The following LARGE1 variants were observed in gnomAD, a reference collection of about 807,000 sequenced individuals.
The protein encoded by LARGE1 is LARGE xylosyl- and glucuronyltransferase 1.
LARGE1 carries 43 observed loss-of-function variants against 87.6 expected under a neutral mutation model. The observed-to-expected ratio is 0.49, with a 90% CI of 0.38 to 0.63. The LOEUF is 0.63. Ranked by LOEUF, LARGE1 falls within the 30% of genes least tolerant of loss-of-function variation. The probability of loss-of-function intolerance (pLI) is 0.00; values close to 1 mark genes in which losing one functional copy is unlikely to be tolerated. For synonymous variants in LARGE1, 434 were observed against 394.6 expected, an observed-to-expected ratio of 1.10 and a Z score of -1.18; for missense variants, 802 against 1,000.2, an observed-to-expected ratio of 0.80 and a Z score of 2.67.
At chr22:33,236,341 GA>G (rs1179886683) in intron 11 of LARGE1, among the ~76,000 whole-genome samples, 1 of 152,160 alleles carries the variant, frequency 6.6e-6, no homozygotes, top group African/African-American at 2.4e-5. Flanking sequence ...GCCATCTTTG[GA>G]AAAGACAATC....
chr22:33,790,645 T>G (rs1450821255), intron 1 of LARGE1, among the ~76,000 whole-genome samples: 1 of 152,214 alleles, frequency 6.6e-6, no homozygotes, highest in African/African-American at 2.4e-5. Context: ...GAGATTTCCA[T>G]CTATCTTTTT....
Position 33,654,088 on chromosome 22 carries a change from T to C in LARGE1, c.107-3420A>G, listed in dbSNP as rs377628871. Among the ~76,000 whole-genome samples the C allele has an allele frequency of 2.6e-5, 4 of 152,310 alleles. No individual in the cohort carries two copies. The South Asian group carries it at 6.2e-4, about 24-fold the overall frequency. On this transcript the variant is annotated intron_variant, in intron 2 of 14. Coordinates refer to ENST00000397394, the MANE Select transcript of LARGE1 (RefSeq NM_133642.5). ...TTTCTCCCCTGCTTTAGACCCCAAA[T>C]GGTTTTAACCAAATTTAACTCTCAA...
At chr22:33,114,217 G>T in the LARGE1 span, among the ~76,000 whole-genome samples, 1 of 152,112 alleles carries the variant, frequency 6.6e-6, no homozygotes, top group Non-Finnish European at 1.5e-5. Flanking sequence ...CTGTTGCAAG[G>T]ATTAAATTAG....
At chr22:33,654,081 C>A (rs1475028502) in intron 2 of LARGE1, among the ~76,000 whole-genome samples, 1 of 152,158 alleles carries the variant, frequency 6.6e-6, no homozygotes, top group African/African-American at 2.4e-5. Flanking sequence ...CTGCTTTAGA[C>A]CCCAAATGGT....
intron 7 of LARGE1, among the ~76,000 whole-genome samples, chr22:33,404,868 G>A (rs1426882157): frequency 6.6e-6 from 1 of 152,134 alleles, no homozygotes; most frequent in Non-Finnish European, 1.5e-5. Context: ...AAGGAATTTT[G>A]CTTCTGTTCA....
chr22:33,877,471 T>G (rs1233694286), intron 1 of LARGE1, among the ~76,000 whole-genome samples: 3 of 152,158 alleles, frequency 2.0e-5, no homozygotes, highest in African/African-American at 7.2e-5. Context: ...TTGAATGACT[T>G]TGGGCAAGTT....
rs562952782 is a variant in LARGE1, at chr22:33,683,633, GCAGA to G, written c.107-32969_107-32966del. Among the ~76,000 whole-genome samples, 616 of 152,050 alleles carry G rather than the reference GCAGA, an allele frequency of 4.1e-3. 4 individuals carry two copies. The highest frequency in any genetic ancestry group is 4.4e-3 in the Non-Finnish European group (296 of 67,944). ...AGGAACAGAATGGTTAGGCAGGCAG[GCAGA>G]CAGACAGACAGACAGACAGACGATA... On this transcript the variant is annotated intron_variant, in intron 2 of 14. Transcript: ENST00000397394.
intron 9 of LARGE1, among the ~76,000 whole-genome samples, chr22:33,366,075 T>C (rs2064578797): frequency 6.6e-6 from 1 of 152,230 alleles, no homozygotes; most frequent in African/African-American, 2.4e-5. Flanking sequence ...ATTTAAAAAA[T>C]AAAAGTTTAA....
At chr22:33,459,505 G>T (rs1036942022) in intron 6 of LARGE1, among the ~76,000 whole-genome samples, 1 of 148,862 alleles carries the variant, frequency 6.7e-6, no homozygotes, top group Non-Finnish European at 1.5e-5. Flanking sequence ...TGAAATAATG[G>T]TATCCAACCT....
the LARGE1 span, among the ~76,000 whole-genome samples, chr22:33,153,205 T>C: frequency 6.6e-6 from 1 of 152,180 alleles, no homozygotes; most frequent in African/African-American, 2.4e-5. Context: ...TTATTTAAAT[T>C]TTTTTAGGCA....
chr22:33,280,693 T>C (rs1466377681), intron 13 of LARGE1, among the ~76,000 whole-genome samples: 1 of 152,180 alleles, frequency 6.6e-6, no homozygotes, highest in Non-Finnish European at 1.5e-5. Context: ...AATGACCTAT[T>C]GCCAAATGCC....
intron 1 of LARGE1, among the ~76,000 whole-genome samples, chr22:33,891,456 G>A (rs1341044834): frequency 2.2e-5 from 3 of 138,078 alleles, no homozygotes; most frequent in East Asian, 2.4e-4. Context: ...AAAAAAAACT[G>A]TATTGAGAGG....
intron 2 of LARGE1, among the ~76,000 whole-genome samples, chr22:33,736,566 A>G (rs1218656353): frequency 6.6e-6 from 1 of 152,192 alleles, no homozygotes; most frequent in Non-Finnish European, 1.5e-5. Context: ...GACTGCAAAT[A>G]TTTTCTCCTA....
chr22:33,820,005 C>T (rs1474019332), intron 1 of LARGE1, among the ~76,000 whole-genome samples: 1 of 152,232 alleles, frequency 6.6e-6, no homozygotes, highest in Non-Finnish European at 1.5e-5. Context: ...TGTGGATGGT[C>T]CAGGGTGTTT....
At chr22:33,417,693 C>T (rs555640618) in intron 7 of LARGE1, among the ~76,000 whole-genome samples, 9 of 152,242 alleles carry the variant, frequency 5.9e-5, no homozygotes, top group East Asian at 5.8e-4. Context: ...GGCTCTTGCC[C>T]GGGGCTCTCG....
At chr22:33,078,062 C>T in the LARGE1 span, among the ~76,000 whole-genome samples, 2 of 152,058 alleles carry the variant, frequency 1.3e-5, no homozygotes, top group African/African-American at 4.8e-5. Flanking sequence ...AGTATTGTCC[C>T]AGAAAATAAC....
chr22:33,240,737 A>G (rs1926472550), intron 11 of LARGE1, among the ~76,000 whole-genome samples: 1 of 152,012 alleles, frequency 6.6e-6, no homozygotes, highest in Non-Finnish European at 1.5e-5. Context: ...ATTTGGGGAG[A>G]TTGGACATTC....
chr22:33,918,229 A>G (rs2147002055), intron 1 of LARGE1, among the ~76,000 whole-genome samples: 1 of 152,296 alleles, frequency 6.6e-6, no homozygotes, highest in East Asian at 1.9e-4. Flanking sequence ...GCTCACATCA[A>G]AAAGTTAATC....
At chr22:33,275,823 A>G (rs1045673044) in intron 14 of LARGE1, among the ~76,000 whole-genome samples, 1 of 152,268 alleles carries the variant, frequency 6.6e-6, no homozygotes, top group African/African-American at 2.4e-5. Flanking sequence ...GAACTAGTTC[A>G]TCTCACAGCA....
Sources: allele counts gnomAD v4.1 joint callset (sites outside exome capture counted in the v4.1 genomes callset), GRCh38; gene constraint gnomAD v4.1.1; transcripts MANE v1.5; gene names NCBI Gene and HGNC (gene_info 2026-07-23, HGNC 2026-07-21).